Variants in CCDC148 observed in about 807,000 individuals in gnomAD.
CCDC148 encodes coiled-coil domain-containing protein 148.
A neutral mutation model predicts 85.7 loss-of-function variants in CCDC148; 89 were observed. The ratio of observed to expected loss-of-function variants is 1.04; its 90% CI spans 0.87 to 1.24. The LOEUF (loss-of-function observed/expected upper bound fraction) is 1.24, where lower values mean the gene tolerates loss of function less well. Ranked by LOEUF, CCDC148 falls within the 50% of genes most tolerant of loss-of-function variation. CCDC148 has a pLI of 0.00. For missense variants in CCDC148, 692 were observed against 671.7 expected, an observed-to-expected ratio of 1.03 and a Z score of -0.33; for synonymous variants, 230 against 213.9, an observed-to-expected ratio of 1.08 and a Z score of -0.66.
At chr2:158,449,850 A>G (rs1251428251) in intron 1 of CCDC148, among the ~76,000 whole-genome samples, 5 of 152,182 alleles carry the variant, frequency 3.3e-5, no homozygotes, top group African/African-American at 1.2e-4. Flanking sequence ...CACCATAAAT[A>G]TGTTGTTATC....
At chr2:158,383,305 A>C (rs947666631) in intron 1 of CCDC148, among the ~76,000 whole-genome samples, 2 of 151,980 alleles carry the variant, frequency 1.3e-5, no homozygotes, top group Non-Finnish European at 1.5e-5. Context: ...TGACAGAGAA[A>C]GACTCCATCT....
chr2:158,327,884 C>G (rs1044413945), intron 7 of CCDC148, among the ~76,000 whole-genome samples: 3 of 152,000 alleles, frequency 2.0e-5, no homozygotes, highest in African/African-American at 7.2e-5. Flanking sequence ...CCCAAATATT[C>G]TATATTTAGA....
At chr2:158,350,923 T>C (rs1408129614) in intron 2 of CCDC148, among the ~76,000 whole-genome samples, 3 of 152,152 alleles carry the variant, frequency 2.0e-5, no homozygotes, top group Non-Finnish European at 4.4e-5. Context: ...TTCTGTTTTG[T>C]AATATACAAT....
At chr2:158,355,851 A>C (rs1206319498) in intron 2 of CCDC148, among the ~76,000 whole-genome samples, 2 of 134,844 alleles carry the variant, frequency 1.5e-5, no homozygotes, top group Non-Finnish European at 3.1e-5. Context: ...TACAGTAACC[A>C]AAACAGCATG....
At chr2:158,350,777 C>T (rs1683224356) in intron 2 of CCDC148, among the ~76,000 whole-genome samples, 1 of 151,980 alleles carries the variant, frequency 6.6e-6, no homozygotes, top group Admixed American at 6.6e-5. Context: ...TGTAATTGTG[C>T]ATATTTATGG....
chr2:158,269,911 G>C (rs1231316270), intron 9 of CCDC148, among the ~76,000 whole-genome samples: 1 of 152,166 alleles, frequency 6.6e-6, no homozygotes, highest in East Asian at 1.9e-4. Context: ...AAAGTAGAAA[G>C]TATTTCAGTT....
At chr2:158,301,069 G>C (rs1427754716) in intron 9 of CCDC148, among the ~76,000 whole-genome samples, 1 of 152,056 alleles carries the variant, frequency 6.6e-6, no homozygotes, top group East Asian at 1.9e-4. Context: ...ATGTTGCCCA[G>C]GTTGGTCTTG....
intron 1 of CCDC148, among the ~76,000 whole-genome samples, chr2:158,391,226 G>A (rs1431529316): frequency 6.6e-6 from 1 of 152,012 alleles, no homozygotes; most frequent in African/African-American, 2.4e-5. Flanking sequence ...TACTATTGAT[G>A]GCTGCAACTC....
chr2:158,442,350 G>T (rs752646311), intron 1 of CCDC148, among the ~76,000 whole-genome samples: 5 of 152,060 alleles, frequency 3.3e-5, no homozygotes, highest in Non-Finnish European at 2.9e-5. Context: ...TTATAAATAG[G>T]CCTGTCGAAA....
At chr2:158,293,539 G>A (rs905031747) in intron 9 of CCDC148, among the ~76,000 whole-genome samples, 1 of 152,138 alleles carries the variant, frequency 6.6e-6, no homozygotes. Context: ...AGAAGCCAAG[G>A]ACTATAGTCA....
At chr2:158,227,539 C>T (rs1443740213) in intron 10 of CCDC148, among the ~76,000 whole-genome samples, 2 of 151,932 alleles carry the variant, frequency 1.3e-5, no homozygotes, top group African/African-American at 4.8e-5. Context: ...AGGCATCACG[C>T]TACCTGACTT....
chr2:158,427,245 A>T (rs1687119430), intron 1 of CCDC148, among the ~76,000 whole-genome samples: 1 of 152,188 alleles, frequency 6.6e-6, no homozygotes, highest in Non-Finnish European at 1.5e-5. Context: ...ACAAATTTTC[A>T]TTTATGACTT....
chr2:158,324,439 T>C (rs1692670012), intron 7 of CCDC148, among the ~76,000 whole-genome samples: 1 of 152,192 alleles, frequency 6.6e-6, no homozygotes, highest in Non-Finnish European at 1.5e-5. Flanking sequence ...AGTATTCCAC[T>C]GTGTGGATAT....
At chr2:158,379,938 A>G (rs1684803696) in intron 1 of CCDC148, among the ~76,000 whole-genome samples, 1 of 152,068 alleles carries the variant, frequency 6.6e-6, no homozygotes, top group South Asian at 2.1e-4. Context: ...CAATATCTCC[A>G]AGGTACACCT....
rs1044387407 is a variant in CCDC148 at position 158,250,760 on chromosome 2, T to A, written c.1251+12A>T. Reference sequence around the variant, plus strand: ...TTCATTCACACATTCGTATTGACAATAGATTTTTTACTTTTTTTTTCTTCT... The same window carrying A: ...TTCATTCACACATTCGTATTGACAAAAGATTTTTTACTTTTTTTTTCTTCT... On this transcript the variant is annotated intron_variant, in intron 10 of 13. Coordinates refer to ENST00000283233, the MANE Select transcript of CCDC148 (RefSeq NM_138803.4). The A allele has an allele frequency of 7.8e-6, 12 of 1,533,698 alleles. No homozygotes were observed. In the African/African-American group the frequency reaches 1.7e-4, roughly 21 times the overall value.
At chr2:158,181,668 A>C (rs1684910350) in intron 11 of CCDC148, among the ~76,000 whole-genome samples, 1 of 152,164 alleles carries the variant, frequency 6.6e-6, no homozygotes, top group Admixed American at 6.5e-5. Flanking sequence ...AGAATGATTC[A>C]GACAAAAAAG....
chr2:158,412,577 T>A (rs1036404304), intron 1 of CCDC148, among the ~76,000 whole-genome samples: 4 of 152,178 alleles, frequency 2.6e-5, no homozygotes, highest in African/African-American at 4.8e-5. Flanking sequence ...TATCTCAGAT[T>A]ATTTCTATCA....
At chr2:158,217,387 T>TATATATATATATATAG (rs1686936453) in intron 11 of CCDC148, among the ~76,000 whole-genome samples, 1 of 93,188 alleles carries the variant, frequency 1.1e-5, no homozygotes, top group African/African-American at 3.5e-5. Context: ...TATATATATA[T>TATATATATATATATAG]ATATATACAC....
intron 1 of CCDC148, chr2:158,365,875 T>C: frequency 1.6e-6 from 1 of 610,558 alleles, no homozygotes; most frequent in Non-Finnish European, 2.9e-6. Context: ...TGTAAAGAAC[T>C]GGCCGGTCAT....
Sources: allele counts gnomAD v4.1 joint callset (sites outside exome capture counted in the v4.1 genomes callset), GRCh38; gene constraint gnomAD v4.1.1; transcripts MANE v1.5; gene names NCBI Gene and HGNC (gene_info 2026-07-23, HGNC 2026-07-21).